The following SAMD12 variants were observed in gnomAD, a reference collection of about 807,000 sequenced individuals.
SAMD12 encodes sterile alpha motif domain-containing protein 12.
In SAMD12, 9 loss-of-function variants were observed where a neutral mutation model predicts 15.0. The ratio of observed to expected loss-of-function variants is 0.60; its 90% CI spans 0.36 to 1.05. The LOEUF (loss-of-function observed/expected upper bound fraction) is 1.05, where lower values mean the gene tolerates loss of function less well. Among genes scored for constraint, SAMD12 ranks in the 50% least tolerant of loss-of-function variants. The probability of loss-of-function intolerance (pLI) is 0.01; values close to 1 mark genes in which losing one functional copy is unlikely to be tolerated. For synonymous variants in SAMD12, 86 were observed against 90.1 expected, an observed-to-expected ratio of 0.96 and a Z score of 0.25; for missense variants, 230 against 234.2, an observed-to-expected ratio of 0.98 and a Z score of 0.12.
intron 3 of SAMD12, among the ~76,000 whole-genome samples, chr8:118,427,625 T>C (rs572190231): frequency 3.1e-4 from 47 of 152,322 alleles, no homozygotes; most frequent in Non-Finnish European, 5.3e-4. Flanking sequence ...TGCACAGTAG[T>C]AGGTTCCTTT....
At chr8:118,587,747 G>A (rs1247970436) in intron 1 of SAMD12, among the ~76,000 whole-genome samples, 2 of 152,150 alleles carry the variant, frequency 1.3e-5, no homozygotes, top group Non-Finnish European at 2.9e-5. Flanking sequence ...TGGGCTACTC[G>A]AACTTTGTTC....
intron 4 of SAMD12, among the ~76,000 whole-genome samples, chr8:118,252,299 G>A (rs1441465091): frequency 1.3e-5 from 2 of 152,158 alleles, no homozygotes; most frequent in Non-Finnish European, 2.9e-5. Context: ...ATGCTTGGAG[G>A]ACCAGGATGG....
intron 2 of SAMD12, among the ~76,000 whole-genome samples, chr8:118,554,490 A>T (rs919331768): frequency 7.0e-6 from 1 of 143,258 alleles, no homozygotes; most frequent in Non-Finnish European, 1.5e-5. Context: ...CAATGAGAAC[A>T]CATGGACACA....
chr8:118,469,615 T>A (rs1235790717), intron 2 of SAMD12, among the ~76,000 whole-genome samples: 1 of 131,900 alleles, frequency 7.6e-6, no homozygotes, highest in Non-Finnish European at 1.6e-5. Flanking sequence ...CAGGCTAGAG[T>A]GCAGTGGCAT....
intron 1 of SAMD12, among the ~76,000 whole-genome samples, chr8:118,612,945 A>G (rs1037194040): frequency 1.3e-5 from 2 of 152,248 alleles, no homozygotes; most frequent in African/African-American, 4.8e-5. Flanking sequence ...TGAAAGAAAC[A>G]GGACTCAAAT....
chr8:118,239,202 C>T (rs910215659), intron 4 of SAMD12, among the ~76,000 whole-genome samples: 2 of 152,124 alleles, frequency 1.3e-5, no homozygotes, highest in Non-Finnish European at 2.9e-5. Context: ...CATGGATCAC[C>T]TAGTACATAC....
chr8:118,556,825 G>T (rs1826546026), intron 2 of SAMD12, among the ~76,000 whole-genome samples: 1 of 152,096 alleles, frequency 6.6e-6, no homozygotes, highest in Admixed American at 6.5e-5. Context: ...TTGGCTGGGT[G>T]TGGTGGCAGC....
At chr8:118,427,438 C>T (rs996193981) in intron 3 of SAMD12, among the ~76,000 whole-genome samples, 2 of 152,156 alleles carry the variant, frequency 1.3e-5, no homozygotes, top group African/African-American at 2.4e-5. Flanking sequence ...CTCCTTCATT[C>T]CCCTTTACAG....
At chr8:118,530,635 T>A (rs1825659876) in intron 2 of SAMD12, among the ~76,000 whole-genome samples, 1 of 152,238 alleles carries the variant, frequency 6.6e-6, no homozygotes, top group Non-Finnish European at 1.5e-5. Context: ...AAGTATTTTC[T>A]CCCATTCTGT....
At chr8:118,589,272 T>C (rs932908424) in intron 1 of SAMD12, among the ~76,000 whole-genome samples, 3 of 152,202 alleles carry the variant, frequency 2.0e-5, no homozygotes, top group Admixed American at 6.5e-5. Flanking sequence ...TGGACCTACA[T>C]GACTGTTCAG....
the SAMD12 span, among the ~76,000 whole-genome samples, chr8:118,145,586 A>T: frequency 6.6e-6 from 1 of 152,220 alleles, no homozygotes; most frequent in East Asian, 1.9e-4. Flanking sequence ...CAGAAAGCAG[A>T]TGTAGGTGAC....
intron 2 of SAMD12, among the ~76,000 whole-genome samples, chr8:118,458,950 AT>A (rs1823335693): frequency 6.7e-6 from 1 of 149,272 alleles, no homozygotes; most frequent in South Asian, 2.2e-4. Context: ...TCAGCTATAT[AT>A]GTGTGTGTGT....
chr8:118,590,566 C>G (rs142781269), intron 1 of SAMD12, among the ~76,000 whole-genome samples: 1 of 152,240 alleles, frequency 6.6e-6, no homozygotes, highest in African/African-American at 2.4e-5. Context: ...TTTCAGGTAT[C>G]AACTGAGATT....
chr8:118,188,392 GCT>G (rs911823297), downstream of SAMD12, among the ~76,000 whole-genome samples: 1 of 152,112 alleles, frequency 6.6e-6, no homozygotes, highest in African/African-American at 2.4e-5. Flanking sequence ...AGAAAATTGT[GCT>G]TTTAGGGTTG....
At chr8:118,430,386 T>C (rs1822363884) in intron 3 of SAMD12, among the ~76,000 whole-genome samples, 1 of 141,098 alleles carries the variant, frequency 7.1e-6, no homozygotes. Flanking sequence ...TTTTTTTTGA[T>C]GGAGTCTCGC....
At chr8:118,507,683 C>T (rs571477953) in intron 2 of SAMD12, among the ~76,000 whole-genome samples, 2 of 152,298 alleles carry the variant, frequency 1.3e-5, no homozygotes, top group African/African-American at 2.4e-5. Flanking sequence ...AGTAGTACAA[C>T]TGATCCTTGA....
chr8:118,254,958 T>C (rs903646607), intron 4 of SAMD12, among the ~76,000 whole-genome samples: 2 of 152,028 alleles, frequency 1.3e-5, no homozygotes, highest in African/African-American at 2.4e-5. Flanking sequence ...CTTTCCCCAA[T>C]GCCTTTCCCA....
chr8:118,563,466 G>C (rs1826763605), intron 2 of SAMD12, among the ~76,000 whole-genome samples: 1 of 152,122 alleles, frequency 6.6e-6, no homozygotes, highest in South Asian at 2.1e-4. Flanking sequence ...GAGGACTCCA[G>C]GAGGAAGGTT....
the SAMD12 span, among the ~76,000 whole-genome samples, chr8:118,160,944 G>A: frequency 1.3e-5 from 2 of 151,726 alleles, no homozygotes; most frequent in African/African-American, 4.9e-5. Context: ...CCCTGCCCCC[G>A]CACCCCACCC....
Sources: gnomAD v4.1 joint callset for allele counts (sites outside exome capture counted in the v4.1 genomes callset) on GRCh38, gnomAD v4.1.1 for gene constraint, MANE v1.5 for transcripts, NCBI Gene and HGNC (gene_info 2026-07-23, HGNC 2026-07-21) for gene names.